ABCB4: variants seen among roughly 807,000 people sequenced by gnomAD.
ABCB4 encodes phosphatidylcholine translocator ABCB4.
Under a neutral mutation model 145.7 loss-of-function variants are expected in ABCB4, and 76 were observed. The observed-to-expected ratio is 0.52, with a 90% confidence interval of 0.43 to 0.63. The LOEUF is 0.63. Among genes scored for constraint, ABCB4 ranks in the 30% least tolerant of loss-of-function variants. The pLI is 0.00. For missense variants in ABCB4, 1,234 were observed against 1,553.1 expected, an observed-to-expected ratio of 0.79 and a Z score of 3.45; for synonymous variants, 517 against 566.8, an observed-to-expected ratio of 0.91 and a Z score of 1.25.
intron 24 of ABCB4, among the ~76,000 whole-genome samples, chr7:87,408,528 C>G (rs900201362): frequency 6.6e-6 from 1 of 152,218 alleles, no homozygotes; most frequent in African/African-American, 2.4e-5. Context: ...TATTCTGAAG[C>G]TGGAATCAAG....
chr7:87,405,581 G>A (rs867556554), intron 26 of ABCB4, among the ~76,000 whole-genome samples: 1 of 151,890 alleles, frequency 6.6e-6, no homozygotes, highest in African/African-American at 2.4e-5. Context: ...TGCCCACCAC[G>A]ACGCCTGGTT....
rs139273212 is a variant in ABCB4 at position 87,465,524 on chromosome 7, T to A, written c.136-2616A>T. 6.7e-3 allele frequency among the ~76,000 whole-genome samples: 1,026 copies of A among 152,250 alleles called. 15 individuals are homozygous for A. The highest frequency in any genetic ancestry group is 0.023 in the African/African-American group (953 of 41,538). ...GCAGAAACCTCTGCAGACTTAAATG[T>A]CCCTGTCTGACAGGTTTCAAGAGAG... is the stretch of plus-strand genomic sequence containing the variant. On this transcript the variant is annotated intron_variant, in intron 3 of 27. Transcript: ENST00000649586.
chr7:87,393,554 A>G, the ABCB4 span, among the ~76,000 whole-genome samples: 1 of 152,196 alleles, frequency 6.6e-6, no homozygotes, highest in Non-Finnish European at 1.5e-5. Context: ...AATGAGAAAG[A>G]AAAGATCAAA....
Position 87,402,288 on chromosome 7 carries a change from G to C in ABCB4, c.3648C>G (p.Ala1216=), listed in dbSNP as rs111318210. The C allele has an allele frequency of 6.2e-7, 1 of 1,613,788 alleles. No individual in the cohort carries two copies. The highest frequency in any genetic ancestry group is 1.1e-5 in the South Asian group (1 of 91,064). The change falls in exon 28 of 28, where the codon GCC becomes GCG. Residue 1216 remains alanine, a synonymous_variant. Transcript: ENST00000649586. ...TGCGGCCTTCTCTGGCTTTGTCCAG[G>C]GCTTCTTGGACAACCTATTGATAAA... is the stretch of plus-strand genomic sequence containing the variant. The part of the protein sequence containing the change: ...DTESEKVVQE[A]LDKAREGRTC...
At chr7:87,412,464 CA>C (rs903552063) in intron 22 of ABCB4, among the ~76,000 whole-genome samples, 3 of 152,124 alleles carry the variant, frequency 2.0e-5, no homozygotes, top group African/African-American at 7.2e-5. Context: ...GGTTAAAATT[CA>C]TGTTTCAGAT....
chr7:87,444,965 G>GA lies in ABCB4; in HGVS notation c.1015dup (p.Ser339PhefsTer17), dbSNP rs753104429. The GA allele has an allele frequency of 1.2e-3, 1,843 of 1,553,300 alleles. No homozygotes were observed. Among genetic ancestry groups the GA allele is most frequent in the Non-Finnish European group, 1.4e-3 (1,560 of 1,145,558 alleles). On this transcript the variant is annotated frameshift_variant, in exon 10 of 28. Transcript: ENST00000649586. LOFTEE classifies it high-confidence loss of function. ...AACACTGAAAGCTCCAATTAGGATT[G>GA]AAAAAAAAACCTGAGCAAAATAACA...
intron 24 of ABCB4, among the ~76,000 whole-genome samples, chr7:87,408,464 A>G (rs1036249558): frequency 6.6e-6 from 1 of 152,304 alleles, no homozygotes; most frequent in Admixed American, 6.5e-5. Context: ...ATGAGTTGTT[A>G]TCTAACTTAG....
Position 87,406,457 on chromosome 7 carries a change from T to C in ABCB4, c.3317A>G (p.Gln1106Arg). ...GATTCCGAGTTGAGCTCTGAGCCAC[T>C]GGACATTGAGTTTCTTTGCTTCTTG... Reference protein sequence around the residue: ...DGQEAKKLNVQWLRAQLGIVS... With the variant: ...DGQEAKKLNVRWLRAQLGIVS... The change falls in exon 26 of 28, where the codon CAG (glutamine) becomes CGG (arginine). Residue 1106 changes from glutamine (Q) to arginine (R), a missense_variant. Around this residue, in one of 7 missense-constraint regions of ABCB4, gnomAD observed 301 missense variants for 389.0 expected, o/e 0.77. Coordinates refer to ENST00000649586, the MANE Select transcript of ABCB4 (RefSeq NM_000443.4). 5 of 1,613,992 alleles carry C rather than the reference T, an allele frequency of 3.1e-6. No individual in the cohort carries two copies. The highest frequency in any genetic ancestry group is 4.2e-6 in the Non-Finnish European group (5 of 1,179,978).
intron 18 of ABCB4, 80 bp from the exon 19 acceptor site, chr7:87,420,155 G>A: frequency 7.4e-7 from 1 of 1,350,002 alleles, no homozygotes; most frequent in Non-Finnish European, 1.1e-6. Context: ...CAACTTTTAT[G>A]TAGCAAAGTT....
chr7:87,421,613 G>A (rs772148877), intron 18 of ABCB4, among the ~76,000 whole-genome samples: 8 of 152,250 alleles, frequency 5.3e-5, no homozygotes, highest in Non-Finnish European at 1.2e-4. Context: ...TGCCCACTGG[G>A]TTAAAGAGAC....
intron 4 of ABCB4, among the ~76,000 whole-genome samples, chr7:87,459,658 G>A (rs2116873404): frequency 6.6e-6 from 1 of 151,876 alleles, no homozygotes; most frequent in East Asian, 1.9e-4. Context: ...GAGAATACAG[G>A]GAGACATCAC....
chr7:87,400,713 A>G (rs1807744321), downstream of ABCB4, among the ~76,000 whole-genome samples: 1 of 152,242 alleles, frequency 6.6e-6, no homozygotes, highest in African/African-American at 2.4e-5. Flanking sequence ...TGACATAAGG[A>G]AATGCTCATT....
intron 8 of ABCB4, among the ~76,000 whole-genome samples, chr7:87,449,444 A>C (rs1048065775): frequency 1.3e-5 from 2 of 150,564 alleles, no homozygotes; most frequent in Non-Finnish European, 3.0e-5. Context: ...TTTGGTTTTT[A>C]AAAAATTTTT....
intron 4 of ABCB4, among the ~76,000 whole-genome samples, chr7:87,461,082 A>G (rs1245974109): frequency 6.6e-6 from 1 of 151,970 alleles, no homozygotes; most frequent in Non-Finnish European, 1.5e-5. Context: ...AGTAGCTGGG[A>G]TTACAGGCAT....
chr7:87,452,628 C>CATCT lies in ABCB4; in HGVS notation c.536+312_536+315dup, dbSNP rs201751889. 1,003 of 382,356 alleles carry CATCT rather than the reference C, an allele frequency of 2.6e-3. 11 individuals are homozygous for CATCT. Among genetic ancestry groups the CATCT allele is most frequent in the African/African-American group, 0.018 (892 of 49,036 alleles). The allele number at this position is 382,356 out of a possible 1,614,324, so 23.7% of individuals were successfully genotyped here. On this transcript the variant is annotated intron_variant, in intron 6 of 27. Coordinates refer to ENST00000649586, the MANE Select transcript of ABCB4 (RefSeq NM_000443.4). ...AAGTCTCTTTGTAAATTAATTCAAT[C>CATCT]ATCTATTCATTGATTCAACCATCTT... is the stretch of plus-strand genomic sequence containing the variant.
chr7:87,436,701 A>C (rs933855046), intron 14 of ABCB4, among the ~76,000 whole-genome samples: 3 of 152,212 alleles, frequency 2.0e-5, no homozygotes, highest in African/African-American at 7.2e-5. Flanking sequence ...GAGCAGAATC[A>C]GGCCTTAATC....
intron 14 of ABCB4, among the ~76,000 whole-genome samples, chr7:87,433,693 T>TTTTTTTTG: frequency 6.7e-6 from 1 of 150,068 alleles, no homozygotes; most frequent in Non-Finnish European, 1.5e-5. Flanking sequence ...TTTTTTTTTT[T>TTTTTTTTG]TCAGAGCTCC....
intron 14 of ABCB4, among the ~76,000 whole-genome samples, chr7:87,437,158 G>A (rs1283560045): frequency 6.6e-6 from 1 of 152,166 alleles, no homozygotes; most frequent in East Asian, 1.9e-4. Context: ...TCAAATCTGG[G>A]CTAGCCTATG....
chr7:87,474,294 A>G (rs894330159), intron 2 of ABCB4, among the ~76,000 whole-genome samples: 2 of 152,220 alleles, frequency 1.3e-5, no homozygotes, highest in Non-Finnish European at 2.9e-5. Flanking sequence ...GATGAAAACC[A>G]TATTTTTCTA....
Sources: allele counts gnomAD v4.1 joint callset (sites outside exome capture counted in the v4.1 genomes callset), GRCh38; gene constraint gnomAD v4.1.1; regional missense constraint gnomAD v4.1.1; transcripts MANE v1.5; gene names NCBI Gene and HGNC (gene_info 2026-07-23, HGNC 2026-07-21).